EP400: variants seen among roughly 807,000 people sequenced by gnomAD.
The protein encoded by EP400 is E1A-binding protein p400.
A neutral mutation model predicts 354.1 loss-of-function variants in EP400; 105 were observed. That is an observed-to-expected ratio of 0.30 (90% CI 0.25 to 0.35). The LOEUF is 0.35. Among genes scored for constraint, EP400 ranks in the 10% least tolerant of loss-of-function variants. EP400 has a pLI of 1.00. For missense variants in EP400, 3,280 were observed against 4,121.0 expected, an observed-to-expected ratio of 0.80 and a Z score of 5.59; for synonymous variants, 1,646 against 1,716.9, an observed-to-expected ratio of 0.96 and a Z score of 1.02.
intron 23 of EP400, among the ~76,000 whole-genome samples, chr12:132,023,002 AT>A (rs938911725): frequency 4.3e-4 from 66 of 152,138 alleles, no homozygotes; most frequent in African/African-American, 1.5e-3. Flanking sequence ...GAAGCTAGTT[AT>A]TTTTTTATAT....
chr12:131,970,632 C>T (rs562031266), intron 2 of EP400, among the ~76,000 whole-genome samples: 13 of 152,322 alleles, frequency 8.5e-5, no homozygotes, highest in Admixed American at 5.9e-4. Context: ...GCCCTGCCAT[C>T]GTGCACATTG....
At chr12:131,968,159 C>G (rs754602900) in intron 2 of EP400, among the ~76,000 whole-genome samples, 20 of 152,082 alleles carry the variant, frequency 1.3e-4, no homozygotes, top group Non-Finnish European at 4.4e-5. Flanking sequence ...GATGCCATAT[C>G]TAAGAGCTCT....
intron 29 of EP400, among the ~76,000 whole-genome samples, chr12:132,031,620 G>T (rs866266189): frequency 1.3e-5 from 2 of 152,132 alleles, no homozygotes; most frequent in Non-Finnish European, 2.9e-5. Flanking sequence ...GTACAGTGGC[G>T]CAATCTTGGC....
intron 7 of EP400, 40 bp downstream of exon 7, chr12:131,987,930 G>C (rs1468563803): frequency 4.6e-6 from 7 of 1,521,550 alleles, no homozygotes; most frequent in Non-Finnish European, 6.2e-6. Context: ...TGTGTGCGTT[G>C]GTGGGGGCTT....
intron 12 of EP400, 154 bp downstream of exon 12, chr12:131,995,110 C>T (rs902126833): frequency 1.5e-6 from 1 of 646,950 alleles, no homozygotes; most frequent in Non-Finnish European, 2.6e-6. Context: ...TCTCTCCTGA[C>T]CTGGAGGTCC....
intron 30 of EP400, among the ~76,000 whole-genome samples, chr12:132,037,235 G>C (rs1894750246): frequency 6.6e-6 from 1 of 152,082 alleles, no homozygotes; most frequent in African/African-American, 2.4e-5. Context: ...GTGTACCGGG[G>C]TTAGAAAGAG....
At chr12:131,976,997 A>G (rs1892501001) in intron 2 of EP400, among the ~76,000 whole-genome samples, 2 of 152,222 alleles carry the variant, frequency 1.3e-5, no homozygotes, top group African/African-American at 4.8e-5. Context: ...GCCAAATGCC[A>G]TGAAACTGGA....
At chr12:131,973,608 A>G (rs1023792705) in intron 2 of EP400, among the ~76,000 whole-genome samples, 3 of 152,148 alleles carry the variant, frequency 2.0e-5, no homozygotes, top group African/African-American at 7.2e-5. Flanking sequence ...GTGCCGCTGC[A>G]CTCCAGCCTG....
rs991660080 is a variant in EP400 at position 132,038,757 on chromosome 12, G to T, written c.6207+661G>T. 6.6e-6 allele frequency among the ~76,000 whole-genome samples: 1 copy of T among 152,124 alleles called. No individual in the cohort carries two copies. Among genetic ancestry groups the T allele is most frequent in the Admixed American group, 6.5e-5 (1 of 15,282 alleles). On this transcript the variant is annotated intron_variant, in intron 32 of 52. Coordinates refer to ENST00000389561, the MANE Select transcript of EP400 (RefSeq NM_015409.5). The surrounding 1 kb of genome is among the most constrained non-coding windows in gnomAD (Gnocchi z 4.2). Reference sequence around the variant, plus strand: ...GTCACGGGGCCGCTGTTCCCTCCCTGTCCCCGTGGCTTGCCCGCCAAAGCC... The same window carrying T: ...GTCACGGGGCCGCTGTTCCCTCCCTTTCCCCGTGGCTTGCCCGCCAAAGCC...
At chr12:131,953,480 ATT>A (rs1268937932) in intron 1 of EP400, among the ~76,000 whole-genome samples, 1 of 152,234 alleles carries the variant, frequency 6.6e-6, no homozygotes, top group Non-Finnish European at 1.5e-5. Context: ...TGGAAGGGAC[ATT>A]GGAGACATTG....
chr12:132,005,189 G>A lies in EP400; in HGVS notation c.2935+5G>A, dbSNP rs1282628937. On this transcript the variant is annotated splice_donor_5th_base_variant and intron_variant, in intron 13 of 52. Coordinates refer to ENST00000389561, the MANE Select transcript of EP400 (RefSeq NM_015409.5). Reference sequence around the variant, plus strand: ...AGGACACAAGCGGAGAGGAAGGTGCGCTCCCAGCCTTTGGAAGAATTCAGG... The same window carrying A: ...AGGACACAAGCGGAGAGGAAGGTGCACTCCCAGCCTTTGGAAGAATTCAGG... 4 of 1,556,904 alleles carry A rather than the reference G, an allele frequency of 2.6e-6. No individual in the cohort carries two copies. The highest frequency in any genetic ancestry group is 3.5e-6 in the Non-Finnish European group (4 of 1,148,738).
At chr12:131,962,631 A>G (rs1414046307) in intron 2 of EP400, among the ~76,000 whole-genome samples, 1 of 152,120 alleles carries the variant, frequency 6.6e-6, no homozygotes, top group Admixed American at 6.5e-5. Flanking sequence ...TTTAAGAGTG[A>G]CTCTTTTTTA....
At chr12:132,042,359 A>C (rs1894941983) in intron 32 of EP400, among the ~76,000 whole-genome samples, 1 of 152,194 alleles carries the variant, frequency 6.6e-6, no homozygotes, top group African/African-American at 2.4e-5. Flanking sequence ...TTGCCTTTTT[A>C]AACGCTGTGT....
intron 12 of EP400, among the ~76,000 whole-genome samples, chr12:132,001,939 C>G (rs1893429268): frequency 1.3e-5 from 2 of 152,114 alleles, no homozygotes. Flanking sequence ...TAGTATAACT[C>G]TTGTTGTTTT....
intron 7 of EP400, among the ~76,000 whole-genome samples, chr12:131,988,528 C>T (rs1453749646): frequency 6.6e-6 from 1 of 152,202 alleles, no homozygotes; most frequent in Non-Finnish European, 1.5e-5. Flanking sequence ...ACACGGCCTC[C>T]TGCCCTTCCT....
intron 2 of EP400, among the ~76,000 whole-genome samples, chr12:131,962,446 C>G (rs1403320270): frequency 6.6e-6 from 1 of 152,196 alleles, no homozygotes; most frequent in Non-Finnish European, 1.5e-5. Flanking sequence ...ATTTAAGTCA[C>G]TAGCTTTTTA....
At chr12:131,959,210 G>A (rs1220370818) in intron 1 of EP400, among the ~76,000 whole-genome samples, 2 of 152,166 alleles carry the variant, frequency 1.3e-5, no homozygotes, top group African/African-American at 2.4e-5. Flanking sequence ...ACAGAAGTTA[G>A]CTATTAAATA....
chr12:132,057,219 T>C (rs773231299), intron 45 of EP400, among the ~76,000 whole-genome samples: 2 of 152,230 alleles, frequency 1.3e-5, no homozygotes, highest in Non-Finnish European at 2.9e-5. Context: ...CCAATGTTTA[T>C]AGTGGCTTTA....
intron 35 of EP400, 60 bp from the exon 36 acceptor site, chr12:132,044,611 G>A (rs770368770): frequency 6.3e-6 from 10 of 1,598,542 alleles, no homozygotes; most frequent in East Asian, 2.2e-5. Context: ...TACATGATTT[G>A]TGGCTTATAA....
Sources: gnomAD v4.1 joint callset for allele counts (sites outside exome capture counted in the v4.1 genomes callset) on GRCh38, gnomAD v4.1.1 for gene constraint, Gnocchi (gnomAD v3.1) non-coding constraint, MANE v1.5 for transcripts, NCBI Gene and HGNC (gene_info 2026-07-23, HGNC 2026-07-21) for gene names.